The following PARD3B variants were observed in gnomAD, a reference collection of about 807,000 sequenced individuals.
The protein encoded by PARD3B is par-3 family cell polarity regulator beta, also known as partitioning defective 3 homolog B.
A neutral mutation model predicts 130.2 loss-of-function variants in PARD3B; 103 were observed. That is an observed-to-expected ratio of 0.79 (90% CI 0.67 to 0.93). PARD3B has a LOEUF of 0.93. PARD3B is among the 40% of genes least tolerant of loss of function. PARD3B has a pLI of 0.00. For missense variants in PARD3B, 1,609 were observed against 1,499.2 expected (o/e 1.07, Z -1.21); for synonymous variants, 583 against 553.2 (o/e 1.05, Z -0.76).
At position 204,887,798 on chromosome 2, in the gene PARD3B, A is replaced by T. The variant is rs888198211; in HGVS notation, c.223-77354A>T. Among the ~76,000 whole-genome samples, 2 of 152,156 alleles carry T rather than the reference A, an allele frequency of 1.3e-5. No individual in the cohort carries two copies. Among genetic ancestry groups the T allele is most frequent in the Admixed American group, 6.5e-5 (1 of 15,280 alleles). On this transcript the variant is annotated intron_variant, in intron 2 of 22. Transcript: ENST00000406610. The surrounding 1 kb of genome is among the most constrained non-coding windows in gnomAD (Gnocchi z 4.2). The stretch of plus-strand genomic sequence containing the variant: ...CCAAATAGCGATACAAGGCAACCCT[A>T]CCAGAGGCATACGACCAGACAGTGC...
intron 3 of PARD3B, among the ~76,000 whole-genome samples, chr2:204,970,630 T>TG (rs1691623611): frequency 6.6e-6 from 1 of 152,186 alleles, no homozygotes; most frequent in Non-Finnish European, 1.5e-5. Flanking sequence ...TTTTGATAAT[T>TG]TTTTTCAGTA....
intron 21 of PARD3B, among the ~76,000 whole-genome samples, chr2:205,528,554 C>T (rs1344956285): frequency 6.6e-6 from 1 of 151,650 alleles, no homozygotes; most frequent in Non-Finnish European, 1.5e-5. Context: ...TGCAGTGGCA[C>T]AGTCTCTGCT....
intron 1 of PARD3B, among the ~76,000 whole-genome samples, chr2:204,548,628 C>T (rs1204861945): frequency 1.3e-5 from 2 of 152,184 alleles, no homozygotes; most frequent in African/African-American, 4.8e-5. Flanking sequence ...TTTAAAAAGA[C>T]ATTTCCATCT....
intron 2 of PARD3B, among the ~76,000 whole-genome samples, chr2:204,797,607 T>C (rs1456725635): frequency 6.6e-6 from 1 of 152,244 alleles, no homozygotes; most frequent in Non-Finnish European, 1.5e-5. Context: ...GGCAATGATA[T>C]TAAAAATTAT....
chr2:204,651,229 A>T (rs1320048433), intron 1 of PARD3B, among the ~76,000 whole-genome samples: 1 of 152,222 alleles, frequency 6.6e-6, no homozygotes, highest in Non-Finnish European at 1.5e-5. Flanking sequence ...CAGAGACAAG[A>T]CAAGTCCCTT....
At chr2:204,931,523 T>A (rs941650432) in intron 2 of PARD3B, among the ~76,000 whole-genome samples, 1 of 152,074 alleles carries the variant, frequency 6.6e-6, no homozygotes, top group Admixed American at 6.6e-5. Context: ...TTGGAAAACT[T>A]TGTAAGATAG....
intron 19 of PARD3B, among the ~76,000 whole-genome samples, chr2:205,432,843 T>C (rs1483379680): frequency 6.6e-6 from 1 of 152,118 alleles, no homozygotes. Flanking sequence ...CTTTCCCCTA[T>C]ACTACTTACT....
At chr2:205,237,362 A>G (rs370965944) in intron 15 of PARD3B, among the ~76,000 whole-genome samples, 1 of 152,136 alleles carries the variant, frequency 6.6e-6, no homozygotes, top group African/African-American at 2.4e-5. Context: ...TCGGCCTCCC[A>G]AAGTGTAGGT....
At chr2:204,793,325 C>T (rs1383504397) in intron 2 of PARD3B, among the ~76,000 whole-genome samples, 1 of 151,994 alleles carries the variant, frequency 6.6e-6, no homozygotes, top group Non-Finnish European at 1.5e-5. Flanking sequence ...GAGTCTCAGC[C>T]TTTCTTGAAA....
rs1378201933 is a variant in PARD3B, at chr2:204,991,356, T to C, written c.394+26033T>C. ...GTTTTTTGTTCTTGCGATAGTTTAC[T>C]GAGAATGATGTTTTCCAATTTCATC... is the stretch of plus-strand genomic sequence containing the variant. On this transcript the variant is annotated intron_variant, in intron 3 of 22. Coordinates refer to ENST00000406610, the MANE Select transcript of PARD3B (RefSeq NM_001302769.2). Among the ~76,000 whole-genome samples the C allele has an allele frequency of 3.1e-3, 454 of 145,722 alleles. 3 individuals are homozygous for C. Among genetic ancestry groups the C allele is most frequent in the South Asian group, 0.012 (52 of 4,400 alleles).
intron 20 of PARD3B, among the ~76,000 whole-genome samples, chr2:205,471,917 CT>C (rs2048850362): frequency 6.6e-6 from 1 of 152,128 alleles, no homozygotes; most frequent in Non-Finnish European, 1.5e-5. Context: ...GTCAGGCCCT[CT>C]TTACAAAAGC....
rs1449772852 is a variant in PARD3B, at chr2:205,142,867, G to A, written c.1435-15855G>A. Among the ~76,000 whole-genome samples, 2 of 124,414 alleles carry A rather than the reference G, an allele frequency of 1.6e-5. No individual in the cohort carries two copies. Among genetic ancestry groups the A allele is most frequent in the Non-Finnish European group, 3.7e-5 (2 of 53,974 alleles). The allele number at this position is 124,414 out of a possible 152,430, so 81.6% of individuals were successfully genotyped here. On this transcript the variant is annotated intron_variant, in intron 10 of 22. Transcript: ENST00000406610. The surrounding 1 kb of genome is among the most constrained non-coding windows in gnomAD (Gnocchi z 4.3). ...CACTCCAGCCTGGGTGACAGGATGA[G>A]ACTTCGGTCTCAAAAAATAAATAAA...
intron 2 of PARD3B, among the ~76,000 whole-genome samples, chr2:204,739,240 T>C (rs1433715325): frequency 6.6e-6 from 1 of 152,162 alleles, no homozygotes; most frequent in African/African-American, 2.4e-5. Context: ...TTCATTGGAA[T>C]GTGTGTTTTG....
Position 205,473,695 on chromosome 2 carries a change from TATATATATATATATAC to T in PARD3B, c.3045-26199_3045-26184del, listed in dbSNP as rs370737606. Among the ~76,000 whole-genome samples the T allele has an allele frequency of 4.7e-5, 6 of 127,154 alleles. No individual in the cohort carries two copies. The highest frequency in any genetic ancestry group is 7.8e-5 in the Non-Finnish European group (5 of 63,736). 83.4% of individuals were successfully genotyped at this position (127,154 alleles called of 152,430 possible). On this transcript the variant is annotated intron_variant, in intron 20 of 22. Transcript: ENST00000406610. The surrounding 1 kb of genome is among the most constrained non-coding windows in gnomAD (Gnocchi z 4.9). ...GTGTGTGTGTGTATGTATATATATA[TATATATATATATATAC>T]ACACACACGTATATAAAACCCTAAA...
intron 2 of PARD3B, among the ~76,000 whole-genome samples, chr2:204,696,395 A>C (rs920770026): frequency 1.3e-5 from 2 of 152,074 alleles, no homozygotes; most frequent in African/African-American, 4.8e-5. Flanking sequence ...GCTATTGAGC[A>C]ATTTAATGGG....
intron 15 of PARD3B, among the ~76,000 whole-genome samples, chr2:205,199,264 A>G (rs1559534705): frequency 6.6e-6 from 1 of 152,170 alleles, no homozygotes; most frequent in African/African-American, 2.4e-5. Flanking sequence ...GAAAAGCTCA[A>G]GAGTTAAGGA....
intron 15 of PARD3B, among the ~76,000 whole-genome samples, chr2:205,245,485 T>A (rs1489526681): frequency 6.6e-6 from 1 of 152,174 alleles, no homozygotes; most frequent in East Asian, 1.9e-4. Flanking sequence ...GTTTCTCCTC[T>A]TGTAAATGTG....
intron 2 of PARD3B, among the ~76,000 whole-genome samples, chr2:204,823,204 A>T (rs892497729): frequency 6.6e-6 from 1 of 152,174 alleles, no homozygotes. Flanking sequence ...GAACAAAGAA[A>T]AAGGGTGTGT....
At chr2:204,839,791 C>T (rs906397416) in intron 2 of PARD3B, among the ~76,000 whole-genome samples, 4 of 152,018 alleles carry the variant, frequency 2.6e-5, no homozygotes, top group African/African-American at 4.8e-5. Context: ...TGAAGAACAA[C>T]TGTTTTTGTT....
Sources: allele counts gnomAD v4.1 joint callset (sites outside exome capture counted in the v4.1 genomes callset), GRCh38; gene constraint gnomAD v4.1.1; non-coding constraint Gnocchi (gnomAD v3.1); transcripts MANE v1.5; gene names NCBI Gene and HGNC (gene_info 2026-07-23, HGNC 2026-07-21).